CERS3: variants seen among roughly 807,000 people sequenced by gnomAD.
CERS3 encodes the protein ceramide synthase 3, also known as LAG1 homolog, ceramide synthase 3.
In CERS3, 33 loss-of-function variants were observed where a neutral mutation model predicts 50.3. The ratio of observed to expected loss-of-function variants is 0.66; its 90% CI spans 0.50 to 0.88. CERS3 has a LOEUF of 0.88. Ranked by LOEUF, CERS3 falls within the 40% of genes least tolerant of loss-of-function variation. The probability of loss-of-function intolerance (pLI) is 0.00; values close to 1 mark genes in which losing one functional copy is unlikely to be tolerated. For synonymous variants in CERS3, 176 were observed against 155.2 expected, an observed-to-expected ratio of 1.13 and a Z score of -0.99; for missense variants, 470 against 460.3, an observed-to-expected ratio of 1.02 and a Z score of -0.19.
rs10622678 is a variant in CERS3 at position 100,483,787 on chromosome 15, A to ATTTTTT, written c.407+757_407+762dup. ...AATAATAATAATAATTATTATTATTATTTTTTTTTTTGAGACAGAGTCTTG... is the reference window on the plus strand; with the variant it reads ...AATAATAATAATAATTATTATTATTATTTTTTTTTTTTTTTTTGAGACAGAGTCTTG... On this transcript the variant is annotated intron_variant, in intron 5 of 11. Coordinates refer to ENST00000679737, the MANE Select transcript of CERS3 (RefSeq NM_001378789.1). Among the ~76,000 whole-genome samples, 121 of 100,002 alleles carry ATTTTTT rather than the reference A, an allele frequency of 1.2e-3. 4 individuals carry two copies. Among genetic ancestry groups the ATTTTTT allele is most frequent in the Admixed American group, 4.3e-3 (35 of 8,046 alleles). The allele number at this position is 100,002 out of a possible 152,430, so 65.6% of individuals were successfully genotyped here. A position where few individuals can be genotyped will look rare whatever the true frequency, so the allele number is the denominator to read the frequency against.
intron 11 of CERS3, among the ~76,000 whole-genome samples, chr15:100,422,831 A>C (rs2032539160): frequency 6.9e-6 from 1 of 144,758 alleles, no homozygotes; most frequent in African/African-American, 2.6e-5. Flanking sequence ...AAACTATCGC[A>C]AGAACAAAAA....
At chr15:100,425,405 C>T (rs374440493) in intron 11 of CERS3, among the ~76,000 whole-genome samples, 1 of 152,358 alleles carries the variant, frequency 6.6e-6, no homozygotes, top group Middle Eastern at 3.4e-3. Flanking sequence ...TAGGAGCCCA[C>T]CCCTAGTATC....
chr15:100,484,552 A>G lies in CERS3; in HGVS notation c.405T>C (p.Ala135=). 6.2e-7 allele frequency: 1 copy of G among 1,609,022 alleles called. No homozygotes were observed. Among genetic ancestry groups the G allele is most frequent in the Non-Finnish European group, 8.5e-7 (1 of 1,175,374 alleles). ...RPSRLKKFQE[A]CWRFAFYLMI... ...AAAGCTTGGCCCATCCTCCTTACCAAGCTTCCTGGAATTTCTTCAGCCTGG... is the reference window on the plus strand; with the variant it reads ...AAAGCTTGGCCCATCCTCCTTACCAGGCTTCCTGGAATTTCTTCAGCCTGG... Residue 135 remains alanine (A), a splice_region_variant and synonymous_variant, in exon 5 of 12, where the codon GCT becomes GCC. Coordinates refer to ENST00000679737, the MANE Select transcript of CERS3 (RefSeq NM_001378789.1).
chr15:100,485,394 A>G (rs1022814322), intron 4 of CERS3, among the ~76,000 whole-genome samples: 5 of 152,248 alleles, frequency 3.3e-5, no homozygotes, highest in African/African-American at 1.2e-4. Context: ...AATGTTACCA[A>G]TTCGAAGGTC....
intron 11 of CERS3, among the ~76,000 whole-genome samples, chr15:100,416,884 A>G (rs997875727): frequency 2.0e-5 from 3 of 152,218 alleles, no homozygotes; most frequent in Non-Finnish European, 4.4e-5. Flanking sequence ...CAAGCAAAAA[A>G]CAACCAACCA....
At chr15:100,473,501 G>A (rs1208294273) in intron 8 of CERS3, among the ~76,000 whole-genome samples, 2 of 152,192 alleles carry the variant, frequency 1.3e-5, no homozygotes, top group Non-Finnish European at 2.9e-5. Context: ...AAGACTTAAA[G>A]GTTTTCTGCA....
At chr15:100,519,295 C>T (rs768776850) in intron 2 of CERS3, among the ~76,000 whole-genome samples, 28 of 152,244 alleles carry the variant, frequency 1.8e-4, no homozygotes, top group Non-Finnish European at 3.5e-4. Context: ...ACCACTCTGA[C>T]CCCCTTCACT....
At chr15:100,494,184 G>A (rs1294440467) in intron 3 of CERS3, among the ~76,000 whole-genome samples, 1 of 136,322 alleles carries the variant, frequency 7.3e-6, no homozygotes, top group East Asian at 2.3e-4. Flanking sequence ...TTGTCCATTT[G>A]TTTGCTTAGT....
chr15:100,528,400 C>G (rs1001468777), intron 1 of CERS3, among the ~76,000 whole-genome samples: 1 of 152,170 alleles, frequency 6.6e-6, no homozygotes, highest in Non-Finnish European at 1.5e-5. Flanking sequence ...TTCATTCCAC[C>G]TGGATTCAGG....
chr15:100,420,776 A>C (rs775333285), intron 11 of CERS3, among the ~76,000 whole-genome samples: 24 of 152,156 alleles, frequency 1.6e-4, no homozygotes, highest in Middle Eastern at 6.8e-3. Context: ...GGCTGGTTCA[A>C]TATACGCAAA....
upstream of CERS3, chr15:100,529,357 A>G (rs2036883361): frequency 6.6e-6 from 1 of 152,248 alleles, no homozygotes; most frequent in Non-Finnish European, 1.5e-5. Context: ...AAACTCATCC[A>G]CTAAGGAGCA....
intron 5 of CERS3, among the ~76,000 whole-genome samples, chr15:100,480,621 T>A (rs951871314): frequency 1.3e-5 from 2 of 152,176 alleles, no homozygotes; most frequent in Non-Finnish European, 2.9e-5. Context: ...CTTATTTAGA[T>A]CCTGATTCAA....
In CERS3 at chr15:100,501,688, A is replaced by G. The variant is rs375380451; in HGVS notation, c.162T>C (p.Arg54=). ...CAAGTACTACTTACTTTTCAAATAC[A>G]CGTCTGATAATCAGCAAGAGAAAAG... ...PYAFLLLIIR[R]VFEKFVASPL... is the part of the protein sequence containing the mutation. The change falls in exon 3 of 12, where the codon CGT becomes CGC. Residue 54 remains arginine (R), a synonymous_variant. Coordinates refer to ENST00000679737, the MANE Select transcript of CERS3 (RefSeq NM_001378789.1). The G allele has an allele frequency of 6.2e-7, 1 of 1,612,866 alleles. No individual in the cohort carries two copies. The highest frequency in any genetic ancestry group is 8.5e-7 in the Non-Finnish European group (1 of 1,178,946).
chr15:100,452,309 CAAT>C (rs1277763723), intron 11 of CERS3, among the ~76,000 whole-genome samples: 1 of 151,808 alleles, frequency 6.6e-6, no homozygotes, highest in Non-Finnish European at 1.5e-5. Flanking sequence ...AACTATAAAT[CAAT>C]AATAAGAGAA....
At chr15:100,534,979 C>T (rs2142422912) in intron 1 of CERS3, among the ~76,000 whole-genome samples, 2 of 152,212 alleles carry the variant, frequency 1.3e-5, no homozygotes, top group Middle Eastern at 6.8e-3. Context: ...AGTTGTTCCA[C>T]CTTTCCAGAC....
intron 11 of CERS3, among the ~76,000 whole-genome samples, chr15:100,411,349 A>T (rs1405229468): frequency 6.6e-6 from 1 of 151,858 alleles, no homozygotes; most frequent in African/African-American, 2.4e-5. Flanking sequence ...TTTAGTAGAG[A>T]CGGGGTTTCA....
upstream of CERS3, chr15:100,529,015 G>A (rs1175107474): frequency 1.3e-5 from 2 of 152,196 alleles, no homozygotes; most frequent in Non-Finnish European, 2.9e-5. Flanking sequence ...GACGTGAGGC[G>A]AAGCTACTGG....
intron 11 of CERS3, among the ~76,000 whole-genome samples, chr15:100,423,613 G>A (rs543913446): frequency 6.6e-6 from 1 of 152,156 alleles, no homozygotes; most frequent in Non-Finnish European, 1.5e-5. Context: ...GCGGAGGGTA[G>A]GGGAAAGGTG....
In CERS3 at chr15:100,502,016, GC is replaced by G. The variant is rs377261262; in HGVS notation, c.-1-167del. ...AATATCAGCACTTTGGGAGACCAAG[GC>G]GGGCGGATCATGAGGTCAAGAGATC... is the stretch of plus-strand genomic sequence containing the variant. On this transcript the variant is annotated intron_variant, in intron 2 of 11. Transcript: ENST00000679737. Among the ~76,000 whole-genome samples, 481 of 152,182 alleles carry G rather than the reference GC, an allele frequency of 3.2e-3. 4 individuals are homozygous for G. Among genetic ancestry groups the G allele is most frequent in the African/African-American group, 0.011 (459 of 41,526 alleles).
Sources: allele counts gnomAD v4.1 joint callset (sites outside exome capture counted in the v4.1 genomes callset), GRCh38; gene constraint gnomAD v4.1.1; transcripts MANE v1.5; gene names NCBI Gene and HGNC (gene_info 2026-07-23, HGNC 2026-07-21).